BAZ2B: variants seen among roughly 807,000 people sequenced by gnomAD.
BAZ2B encodes the protein bromodomain adjacent to zinc finger domain 2B, also known as bromodomain adjacent to zinc finger domain protein 2B.
Under a neutral mutation model 246.0 loss-of-function variants are expected in BAZ2B, and 91 were observed. The ratio of observed to expected loss-of-function variants is 0.37; its 90% CI spans 0.31 to 0.44. The LOEUF (loss-of-function observed/expected upper bound fraction) is 0.44, where lower values mean the gene tolerates loss of function less well. Ranked by LOEUF, BAZ2B falls within the 20% of genes least tolerant of loss-of-function variation. The pLI is 1.00. For synonymous variants in BAZ2B, 855 were observed against 860.0 expected (o/e 0.99, Z 0.10); for missense variants, 2,332 against 2,533.7 (o/e 0.92, Z 1.71).
At chr2:159,576,503 T>C (rs1253324974) in intron 1 of BAZ2B, among the ~76,000 whole-genome samples, 2 of 148,030 alleles carry the variant, frequency 1.4e-5, no homozygotes, top group African/African-American at 2.5e-5. Flanking sequence ...TGAGTTATCA[T>C]CATGCACCAA....
intron 1 of BAZ2B, among the ~76,000 whole-genome samples, chr2:159,601,884 TAGTC>T (rs2151764377): frequency 6.6e-6 from 1 of 152,324 alleles, no homozygotes; most frequent in African/African-American, 2.4e-5. Flanking sequence ...TTGCAAATAG[TAGTC>T]AGCTTAATTT....
At chr2:159,321,089 A>T (rs1159057313) in intron 36 of BAZ2B, among the ~76,000 whole-genome samples, 3 of 152,248 alleles carry the variant, frequency 2.0e-5, no homozygotes, top group African/African-American at 4.8e-5. Flanking sequence ...TGGCGGGATA[A>T]GCCCAATTCT....
chr2:159,455,402 A>G (rs940624386), intron 3 of BAZ2B, among the ~76,000 whole-genome samples: 48 of 152,134 alleles, frequency 3.2e-4, no homozygotes, highest in African/African-American at 1.1e-3. Context: ...AATAAGATTT[A>G]AATAAATTGC....
upstream of BAZ2B, among the ~76,000 whole-genome samples, chr2:159,619,601 G>C (rs1439845304): frequency 6.7e-6 from 1 of 149,382 alleles, no homozygotes; most frequent in Non-Finnish European, 1.5e-5. Flanking sequence ...ATGTTATTTG[G>C]TAATTCAGAT....
intron 1 of BAZ2B, among the ~76,000 whole-genome samples, chr2:159,557,157 C>CT (rs2089256262): frequency 8.9e-6 from 1 of 112,974 alleles, no homozygotes; most frequent in African/African-American, 4.2e-5. Flanking sequence ...TTTTTTTTTT[C>CT]CCTGCCTCAG....
At chr2:159,535,579 A>C (rs2151347413) in intron 2 of BAZ2B, among the ~76,000 whole-genome samples, 1 of 152,304 alleles carries the variant, frequency 6.6e-6, no homozygotes, top group Non-Finnish European at 1.5e-5. Context: ...ATGACTCAAT[A>C]AACTTTCTCT....
chr2:159,495,774 C>CTT (rs199528121), intron 2 of BAZ2B, among the ~76,000 whole-genome samples: 6 of 136,848 alleles, frequency 4.4e-5, no homozygotes, highest in Non-Finnish European at 7.9e-5. Flanking sequence ...AGAAGAAATA[C>CTT]TTTTTTTTTT....
the BAZ2B span, among the ~76,000 whole-genome samples, chr2:159,707,206 G>C: frequency 1.3e-5 from 2 of 151,930 alleles, no homozygotes; most frequent in African/African-American, 4.8e-5. Context: ...CAGGTAGTGG[G>C]CTACATTTGG....
At chr2:159,697,596 A>C in the BAZ2B span, among the ~76,000 whole-genome samples, 1 of 152,200 alleles carries the variant, frequency 6.6e-6, no homozygotes, top group Admixed American at 6.5e-5. Context: ...TATATGAAAG[A>C]GTATTTGAAT....
intron 1 of BAZ2B, among the ~76,000 whole-genome samples, chr2:159,592,961 C>A (rs777900079): frequency 6.6e-6 from 1 of 152,206 alleles, no homozygotes; most frequent in Non-Finnish European, 1.5e-5. Flanking sequence ...CACCCCAACA[C>A]TGAGTTCCTT....
Position 159,348,698 on chromosome 2 carries a change from G to C in BAZ2B, c.5273C>G (p.Ala1758Gly). 2 of 1,605,078 alleles carry C rather than the reference G, an allele frequency of 1.2e-6. No individual in the cohort carries two copies. The highest frequency in any genetic ancestry group is 8.5e-7 in the Non-Finnish European group (1 of 1,177,828). The change falls in exon 30 of 37, where the codon GCC (alanine) becomes GGC (glycine). Residue 1758 changes from alanine (A) to glycine (G), a missense_variant. Transcript: ENST00000392783. ...CACACCATCCTTATTCTTGAGGCAG[G>C]CTTGAGTAATATAATCCAAATGTTT... ...IQKHLDYITQACLKNKDVAII... is the reference protein window; with the variant it reads ...IQKHLDYITQGCLKNKDVAII...
chr2:159,408,374 T>C (rs537601941), intron 14 of BAZ2B, among the ~76,000 whole-genome samples: 175 of 152,320 alleles, frequency 1.1e-3, no homozygotes, highest in Non-Finnish European at 2.2e-3. Flanking sequence ...TCTTGCTTTA[T>C]TTCCCGGGCT....
At chr2:159,660,665 T>C in the BAZ2B span, among the ~76,000 whole-genome samples, 2 of 152,172 alleles carry the variant, frequency 1.3e-5, no homozygotes, top group East Asian at 3.9e-4. Context: ...GCTGGCACAA[T>C]TTCAGCTCAC....
rs780843382 is a variant in BAZ2B at position 159,438,322 on chromosome 2, C to T, written c.1274G>A (p.Ser425Asn). ...ACTCACCCGTTTGGATCTCAATTCACTGGTCAATAAACTAGATTCTTCAGA... is the reference window on the plus strand; with the variant it reads ...ACTCACCCGTTTGGATCTCAATTCATTGGTCAATAAACTAGATTCTTCAGA... ...NTSEESSLLT[S>N]ELRSKREQYK... The change falls in exon 8 of 37, where the codon AGT (serine) becomes AAT (asparagine). Residue 425 changes from serine to asparagine, a missense_variant. Ser to Asn is a conservative substitution (Grantham distance 46, BLOSUM62 1). Around this residue, in one of 9 missense-constraint regions of BAZ2B, gnomAD observed 651 missense variants for 650.9 expected, o/e 1.00. Transcript: ENST00000392783. 22 of 1,613,248 alleles carry T rather than the reference C, an allele frequency of 1.4e-5. No individual in the cohort carries two copies. In the South Asian group the frequency reaches 2.4e-4, roughly 18 times the overall value.
At chr2:159,538,867 A>G (rs1454714731) in intron 2 of BAZ2B, among the ~76,000 whole-genome samples, 1 of 152,266 alleles carries the variant, frequency 6.6e-6, no homozygotes, top group Non-Finnish European at 1.5e-5. Context: ...AGAGGACAAC[A>G]GTAACAAAAT....
chr2:159,382,866 C>A, intron 24 of BAZ2B, 64 bp from the exon 25 acceptor site: 10 of 1,559,670 alleles, frequency 6.4e-6, no homozygotes, highest in African/African-American at 1.4e-5. Context: ...TTTAAAAGAG[C>A]AAAACATGAG....
chr2:159,437,382 T>C (rs895816587), intron 8 of BAZ2B: 1 of 149,442 alleles, frequency 6.7e-6, no homozygotes, highest in Non-Finnish European at 1.5e-5. Context: ...CCATTAAGAA[T>C]GACAAAGGAA....
intron 2 of BAZ2B, among the ~76,000 whole-genome samples, chr2:159,540,261 T>C (rs892365658): frequency 6.6e-6 from 1 of 152,182 alleles, no homozygotes; most frequent in Non-Finnish European, 1.5e-5. Context: ...AATGAATAAA[T>C]GGCTAAAAAT....
intron 3 of BAZ2B, among the ~76,000 whole-genome samples, chr2:159,473,538 GGTTTTTT>G (rs2078110029): frequency 6.6e-6 from 1 of 151,900 alleles, no homozygotes; most frequent in South Asian, 2.1e-4. Flanking sequence ...TTTTTTGAGG[GGTTTTTT>G]GTTTCTCTAT....
Sources: gnomAD v4.1 joint callset for allele counts (sites outside exome capture counted in the v4.1 genomes callset) on GRCh38, gnomAD v4.1.1 for gene constraint, gnomAD v4.1.1 regional missense constraint, MANE v1.5 for transcripts, NCBI Gene and HGNC (gene_info 2026-07-23, HGNC 2026-07-21) for gene names.